Variants in SEC14L5 observed in about 807,000 individuals in gnomAD.
The protein encoded by SEC14L5 is SEC14 like lipid binding 5.
In SEC14L5, 96 loss-of-function variants were observed where a neutral mutation model predicts 84.6. The ratio of observed to expected loss-of-function variants is 1.13; its 90% CI spans 0.96 to 1.34. The LOEUF is 1.34. Among genes scored for constraint, SEC14L5 ranks in the 40% most tolerant of loss-of-function variants. The pLI is 0.00. For missense variants in SEC14L5, 1,224 were observed against 942.5 expected (o/e 1.30, Z -3.91); for synonymous variants, 546 against 383.4 (o/e 1.42, Z -4.95).
chr16:4,973,551 G>T (rs914384406), intron 2 of SEC14L5, among the ~76,000 whole-genome samples: 3 of 152,240 alleles, frequency 2.0e-5, no homozygotes, highest in Admixed American at 1.3e-4. Context: ...CCATGGCACA[G>T]TCTTCAGAAG....
chr16:4,987,940 C>G (rs988115928), intron 3 of SEC14L5, among the ~76,000 whole-genome samples: 3 of 151,920 alleles, frequency 2.0e-5, no homozygotes, highest in Non-Finnish European at 2.9e-5. Flanking sequence ...GTTCGCGGGG[C>G]CAGGGCCGGA....
chr16:5,015,383 TCCTC>T lies in SEC14L5; in HGVS notation c.*416_*419del, dbSNP rs1449691159. ...AGCTTGCCTGCATAAGAGAGCCTCT[TCCTC>T]CCAAAGGCTCCAGCCCACTTCCCAG... On this transcript the variant is annotated 3_prime_UTR_variant, in exon 16 of 16. Coordinates refer to ENST00000251170, the MANE Select transcript of SEC14L5 (RefSeq NM_014692.2). 5.7e-6 allele frequency: 1 copy of T among 174,598 alleles called. No individual in the cohort carries two copies. Among genetic ancestry groups the T allele is most frequent in the Non-Finnish European group, 1.2e-5 (1 of 81,478 alleles). 10.8% of individuals were successfully genotyped at this position (174,598 alleles called of 1,614,324 possible).
At chr16:5,013,344 G>C (rs1263642550) in intron 15 of SEC14L5, among the ~76,000 whole-genome samples, 1 of 152,028 alleles carries the variant, frequency 6.6e-6, no homozygotes, top group South Asian at 2.1e-4. Flanking sequence ...ACTGGACTGA[G>C]ATCTAAGTAG....
chr16:4,994,852 G>A (rs1955592592), intron 6 of SEC14L5, among the ~76,000 whole-genome samples: 2 of 152,058 alleles, frequency 1.3e-5, no homozygotes, highest in Admixed American at 1.3e-4. Flanking sequence ...ACATCCTCAT[G>A]CCCCTTCTGC....
chr16:4,965,399 C>T (rs992519091), intron 2 of SEC14L5, among the ~76,000 whole-genome samples: 1 of 152,128 alleles, frequency 6.6e-6, no homozygotes, highest in African/African-American at 2.4e-5. Context: ...CGGTGGCTCA[C>T]GCCTGTAATC....
At chr16:4,968,244 A>G (rs148915068) in intron 2 of SEC14L5, among the ~76,000 whole-genome samples, 2,441 of 151,266 alleles carry the variant, frequency 0.016, 36 homozygotes, top group Non-Finnish European at 0.026. Context: ...CAGTGGCGCA[A>G]TCTCGGCTCA....
At chr16:5,001,511 G>C (rs567926114) in intron 10 of SEC14L5, among the ~76,000 whole-genome samples, 2 of 151,946 alleles carry the variant, frequency 1.3e-5, no homozygotes, top group African/African-American at 2.4e-5. Flanking sequence ...CGCCTGCCTC[G>C]GCCTCCCAAA....
At chr16:4,990,034 A>T (rs1596629533) in intron 4 of SEC14L5, among the ~76,000 whole-genome samples, 1 of 151,944 alleles carries the variant, frequency 6.6e-6, no homozygotes, top group South Asian at 2.1e-4. Context: ...AGGATATGTA[A>T]TATATCTTTA....
chr16:4,977,473 A>AAAAAAAAAG (rs1555528769), intron 2 of SEC14L5, among the ~76,000 whole-genome samples: 9 of 128,660 alleles, frequency 7.0e-5, no homozygotes, highest in South Asian at 2.4e-4. Flanking sequence ...AAAAAAAGGA[A>AAAAAAAAAG]AAAAAAAGAA....
intron 13 of SEC14L5, 43 bp downstream of exon 13, chr16:5,007,529 C>CT (rs752769043): frequency 1.5e-5 from 24 of 1,598,214 alleles, no homozygotes; most frequent in Non-Finnish European, 2.0e-5. Context: ...GCTGGAGTGT[C>CT]TGTCGTCTTA....
rs763855016 is a variant in SEC14L5 at position 5,011,162 on chromosome 16, G to C, written c.1868G>C (p.Ser623Thr). ...TGGCAAATGCACAGCCCCCCCAGCAGCGTGGCCTGCAGCCTCCCGGGTGTG... is the reference window on the plus strand; with the variant it reads ...TGGCAAATGCACAGCCCCCCCAGCACCGTGGCCTGCAGCCTCCCGGGTGTG... ...LQWQMHSPPS[S>T]VACSLPGVDD... The change falls in exon 15 of 16, where the codon AGC (serine) becomes ACC (threonine). Residue 623 changes from serine to threonine, a missense_variant. By Grantham distance (58) the Ser-to-Thr change is moderately conservative (BLOSUM62 1). Transcript: ENST00000251170. 6.2e-7 allele frequency: 1 copy of C among 1,613,164 alleles called. No individual in the cohort carries two copies. Among genetic ancestry groups the C allele is most frequent in the South Asian group, 1.1e-5 (1 of 90,956 alleles).
At chr16:4,998,087 C>T (rs570340134) in intron 8 of SEC14L5, among the ~76,000 whole-genome samples, 1 of 149,278 alleles carries the variant, frequency 6.7e-6, no homozygotes, top group Admixed American at 6.7e-5. Context: ...CACTGCAACT[C>T]CGCCCCCCGC....
At chr16:4,964,311 G>A (rs1394106162) in intron 2 of SEC14L5, among the ~76,000 whole-genome samples, 1 of 152,076 alleles carries the variant, frequency 6.6e-6, no homozygotes, top group East Asian at 1.9e-4. Flanking sequence ...AACCAGGGCC[G>A]GGCATGGTGG....
At chr16:4,961,284 C>T (rs1376879137) in intron 2 of SEC14L5, among the ~76,000 whole-genome samples, 1 of 146,958 alleles carries the variant, frequency 6.8e-6, no homozygotes, top group African/African-American at 2.5e-5. Context: ...ACAACAACAA[C>T]AGCAACAACA....
At position 4,996,859 on chromosome 16, in the gene SEC14L5, C is replaced by G; in HGVS notation, c.785C>G (p.Pro262Arg). 1.2e-6 allele frequency: 2 copies of G among 1,609,098 alleles called. No homozygotes were observed. The highest frequency in any genetic ancestry group is 1.7e-6 in the Non-Finnish European group (2 of 1,177,702). ...TTTTACTTCTTTGTCTCTCAGATTC[C>G]CAAAGATGAGCACATCCTTCGGTTC... is the stretch of plus-strand genomic sequence containing the variant. ...WLQETHKGKI[P>R]KDEHILRFLR... Residue 262 changes from proline (P) to arginine (R), a missense_variant, in exon 8 of 16, where the codon CCC becomes CGC. Transcript: ENST00000251170.
intron 12 of SEC14L5, among the ~76,000 whole-genome samples, chr16:5,007,024 A>G (rs1043057638): frequency 6.6e-6 from 1 of 152,128 alleles, no homozygotes; most frequent in African/African-American, 2.4e-5. Context: ...CCTGGCTGTC[A>G]GTCCGGCACC....
At chr16:4,983,981 A>G (rs7203260) in intron 2 of SEC14L5, among the ~76,000 whole-genome samples, 34,134 of 152,078 alleles carry the variant, frequency 0.22, 4,328 homozygotes, top group Admixed American at 0.28. Context: ...ACACTTGGAG[A>G]GAGAAAGACA....
rs2972284 is a variant in SEC14L5, at chr16:5,018,151, C to T, written c.*3181C>T. The T allele has an allele frequency of 0.26, 39,101 of 152,126 alleles. 6,240 individuals carry two copies. The highest frequency in any genetic ancestry group is 0.45 in the African/African-American group (18,591 of 41,480). The allele number at this position is 152,126 out of a possible 1,614,324, so 9.4% of individuals were successfully genotyped here. The stretch of plus-strand genomic sequence containing the variant: ...CCTACCTCAATAGGTTGTAGTGGGA[C>T]GAAATGAGGGAGTAGCTGTAAAGCT... On this transcript the variant is annotated 3_prime_UTR_variant, in exon 16 of 16. Transcript: ENST00000251170.
intron 15 of SEC14L5, among the ~76,000 whole-genome samples, chr16:5,013,418 G>T (rs1338300500): frequency 6.6e-6 from 1 of 151,864 alleles, no homozygotes. Flanking sequence ...ACAGAGTCTC[G>T]CTCTGTTACC....
Sources: gnomAD v4.1 joint callset for allele counts (sites outside exome capture counted in the v4.1 genomes callset) on GRCh38, gnomAD v4.1.1 for gene constraint, MANE v1.5 for transcripts, NCBI Gene and HGNC (gene_info 2026-07-23, HGNC 2026-07-21) for gene names.